The following NIPA1 variants were observed in gnomAD, a reference collection of about 807,000 sequenced individuals.
NIPA1 encodes the protein NIPA magnesium transporter 1, also known as magnesium transporter NIPA1.
Under a neutral mutation model 23.9 loss-of-function variants are expected in NIPA1, and 13 were observed. The observed-to-expected ratio is 0.54, with a 90% confidence interval of 0.35 to 0.87. The LOEUF is 0.87. NIPA1 is among the 40% of genes least tolerant of loss of function. The pLI is 0.01. For synonymous variants in NIPA1, 234 were observed against 202.9 expected, an observed-to-expected ratio of 1.15 and a Z score of -1.30; for missense variants, 362 against 429.7, an observed-to-expected ratio of 0.84 and a Z score of 1.39.
chr15:22,810,579 A>G (rs532530185), intron 1 of NIPA1, among the ~76,000 whole-genome samples, 170 bp from the exon 2 acceptor site: 2 of 152,196 alleles, frequency 1.3e-5, no homozygotes, highest in South Asian at 2.1e-4. Context: ...GGTGGTCTCT[A>G]ATGCTGCCAT....
At chr15:22,788,936 A>AAAAAAAAAAAAT (rs1894770925) in intron 1 of NIPA1, among the ~76,000 whole-genome samples, 1 of 150,590 alleles carries the variant, frequency 6.6e-6, no homozygotes, top group African/African-American at 2.5e-5. Context: ...AAAAAAAAAA[A>AAAAAAAAAAAAT]AGATAAATGC....
At chr15:22,795,475 T>C (rs1359457376) in intron 1 of NIPA1, among the ~76,000 whole-genome samples, 1 of 152,116 alleles carries the variant, frequency 6.6e-6, no homozygotes, top group Admixed American at 6.6e-5. Flanking sequence ...CACTCGAGTC[T>C]GGGGTAGCTG....
chr15:22,803,754 A>G (rs1024783713), intron 1 of NIPA1, among the ~76,000 whole-genome samples: 1 of 137,890 alleles, frequency 7.3e-6, no homozygotes, highest in African/African-American at 2.8e-5. Context: ...ATCTCAGCTC[A>G]CTGCAGACTC....
At chr15:22,794,188 A>G (rs898286785) in intron 1 of NIPA1, among the ~76,000 whole-genome samples, 3 of 152,050 alleles carry the variant, frequency 2.0e-5, no homozygotes, top group African/African-American at 4.8e-5. Context: ...GAAGGATGAT[A>G]GCAAAAGTCA....
At chr15:22,815,892 A>C (rs1236565886) in intron 3 of NIPA1, among the ~76,000 whole-genome samples, 1 of 152,118 alleles carries the variant, frequency 6.6e-6, no homozygotes, top group Admixed American at 6.5e-5. Context: ...ACAATTCAAT[A>C]CTCTTTCATG....
At chr15:22,809,471 A>G (rs930474941) in intron 1 of NIPA1, among the ~76,000 whole-genome samples, 1 of 152,126 alleles carries the variant, frequency 6.6e-6, no homozygotes, top group Non-Finnish European at 1.5e-5. Flanking sequence ...TTAGCAGGCC[A>G]GGCGTGCTGC....
intron 1 of NIPA1, 53 bp downstream of exon 1, chr15:22,786,887 G>T (rs1170260271): frequency 3.0e-6 from 2 of 663,276 alleles, no homozygotes; most frequent in African/African-American, 3.9e-5. Context: ...GGCGGGCGGC[G>T]GAGAAGGCGG....
intron 1 of NIPA1, among the ~76,000 whole-genome samples, chr15:22,806,213 G>A (rs569739950): frequency 5.9e-4 from 90 of 152,294 alleles, no homozygotes; most frequent in Non-Finnish European, 1.1e-3. Flanking sequence ...GTGAGCCACC[G>A]CGCCCGGCCT....
intron 1 of NIPA1, among the ~76,000 whole-genome samples, chr15:22,806,530 C>A (rs1895216493): frequency 8.1e-6 from 1 of 123,804 alleles, no homozygotes; most frequent in African/African-American, 5.5e-5. Context: ...CCTCTGCATC[C>A]TTCAGTGCTG....
chr15:22,810,979 C>G lies in NIPA1; in HGVS notation c.226+183C>G, dbSNP rs1362437212. On this transcript the variant is annotated intron_variant, in intron 2 of 4. Transcript: ENST00000337435. Reference sequence around the variant, plus strand: ...TGTCCCTGCCTCCCCAGGGCACTCTCCCTGCTCCCCTTCCTCCCAGGATGA... The same window carrying G: ...TGTCCCTGCCTCCCCAGGGCACTCTGCCTGCTCCCCTTCCTCCCAGGATGA... The G allele has an allele frequency of 7.9e-6, 5 of 630,856 alleles. No homozygotes were observed. The African/African-American group carries it at 9.2e-5, about 12-fold the overall frequency. The allele number at this position is 630,856 out of a possible 1,614,324, so 39.1% of individuals were successfully genotyped here.
Position 22,813,415 on chromosome 15 carries a change from G to T in NIPA1, c.317+1162G>T, listed in dbSNP as rs117281506. Among the ~76,000 whole-genome samples, 1,477 of 152,258 alleles carry T rather than the reference G, an allele frequency of 9.7e-3. 15 individuals are homozygous for T. Among genetic ancestry groups the T allele is most frequent in the East Asian group, 0.016 (81 of 5,178 alleles). On this transcript the variant is annotated intron_variant, in intron 3 of 4. Transcript: ENST00000337435. ...AGGGGAAAGGGGGGAAATGGGAACT[G>T]GAGGGCTGCAAGCCATCAAACATTG...
intron 1 of NIPA1, among the ~76,000 whole-genome samples, chr15:22,806,238 AG>A (rs1015592748): frequency 6.6e-6 from 1 of 152,216 alleles, no homozygotes; most frequent in African/African-American, 2.4e-5. Flanking sequence ...CTGTATTTTA[AG>A]GACATTTCCG....
At chr15:22,798,851 A>AC (rs1428563945) in intron 1 of NIPA1, among the ~76,000 whole-genome samples, 1 of 151,342 alleles carries the variant, frequency 6.6e-6, no homozygotes, top group Non-Finnish European at 1.5e-5. Flanking sequence ...AAAAAAAAAA[A>AC]AAAAAAAAAA....
chr15:22,794,743 C>T (rs1894906702), intron 1 of NIPA1, among the ~76,000 whole-genome samples: 3 of 152,098 alleles, frequency 2.0e-5, no homozygotes, highest in Admixed American at 2.0e-4. Flanking sequence ...TACCCACGCT[C>T]CTCATACCTG....
rs1895588372 is a variant in NIPA1, at chr15:22,823,645, GCCCGGGTGCTGC to G, written c.479-79_479-68del. 8.3e-6 allele frequency: 12 copies of G among 1,444,356 alleles called. No homozygotes were observed. In the South Asian group the frequency reaches 1.5e-4, roughly 18 times the overall value. 89.5% of individuals were successfully genotyped at this position (1,444,356 alleles called of 1,614,324 possible). A position where few individuals can be genotyped will look rare whatever the true frequency, so the allele number is the denominator to read the frequency against. On this transcript the variant is annotated intron_variant, in intron 4 of 4. Transcript: ENST00000337435. ...GGCCGGTGGCGGGTGGCGGGTGGGG[GCCCGGGTGCTGC>G]CCCAGTCCACCTCCTGGGTTGCGGC... is the stretch of plus-strand genomic sequence containing the variant.
At chr15:22,790,510 G>A (rs1409088771) in intron 1 of NIPA1, among the ~76,000 whole-genome samples, 2 of 150,510 alleles carry the variant, frequency 1.3e-5, no homozygotes, top group African/African-American at 2.5e-5. Flanking sequence ...TCCACCTCCC[G>A]GGTTCAAGCG....
chr15:22,804,166 CG>C (rs1319920217), intron 1 of NIPA1, among the ~76,000 whole-genome samples: 1 of 151,796 alleles, frequency 6.6e-6, no homozygotes, highest in Non-Finnish European at 1.5e-5. Flanking sequence ...TTAGTAGAGA[CG>C]GGGTTTCATC....
intron 3 of NIPA1, among the ~76,000 whole-genome samples, chr15:22,815,314 TTA>T (rs1895395046): frequency 6.6e-6 from 1 of 152,196 alleles, no homozygotes; most frequent in African/African-American, 2.4e-5. Flanking sequence ...TGCCATTATT[TTA>T]TGTCATTATC....
In NIPA1 at chr15:22,826,141, A is replaced by C. The variant is rs1432985968; in HGVS notation, c.*1902A>C. The C allele has an allele frequency of 2.6e-5, 4 of 152,100 alleles. No individual in the cohort carries two copies. 9.4% of individuals were successfully genotyped at this position (152,100 alleles called of 1,614,324 possible). On this transcript the variant is annotated 3_prime_UTR_variant, in exon 5 of 5. Coordinates refer to ENST00000337435, the MANE Select transcript of NIPA1 (RefSeq NM_144599.5). ...AAAGTCTCAAGGAATAGCTTCCTAA[A>C]GTGTTGAGTAAAGAGGCTAAATAAA...
Sources: allele counts gnomAD v4.1 joint callset (sites outside exome capture counted in the v4.1 genomes callset), GRCh38; gene constraint gnomAD v4.1.1; transcripts MANE v1.5; gene names NCBI Gene and HGNC (gene_info 2026-07-23, HGNC 2026-07-21).